Variants in PTPN21 observed in about 807,000 individuals in gnomAD.
PTPN21 encodes the protein tyrosine-protein phosphatase non-receptor type 21.
In PTPN21, 77 loss-of-function variants were observed where a neutral mutation model predicts 131.8. The observed-to-expected ratio is 0.58, with a 90% CI of 0.49 to 0.71. The LOEUF (loss-of-function observed/expected upper bound fraction) is 0.71, where lower values mean the gene tolerates loss of function less well. PTPN21 is among the 30% of genes least tolerant of loss of function. The pLI, the probability that PTPN21 is intolerant of heterozygous loss-of-function variation, is 0.00. For missense variants in PTPN21, 1,552 were observed against 1,527.1 expected, an observed-to-expected ratio of 1.02 and a Z score of -0.27; for synonymous variants, 715 against 621.3, an observed-to-expected ratio of 1.15 and a Z score of -2.24.
chr14:88,545,549 C>G (rs2078763612), intron 2 of PTPN21, among the ~76,000 whole-genome samples: 2 of 152,196 alleles, frequency 1.3e-5, no homozygotes, highest in Admixed American at 1.3e-4. Flanking sequence ...TCCACAAGGA[C>G]TCACAGCCTC....
chr14:88,505,975 TTAA>T (rs1488511277), intron 4 of PTPN21, among the ~76,000 whole-genome samples: 3 of 152,196 alleles, frequency 2.0e-5, no homozygotes, highest in African/African-American at 7.2e-5. Flanking sequence ...AGGAGTTTTA[TTAA>T]TAATTATTCT....
At chr14:88,473,072 G>C (rs781360546) in intron 14 of PTPN21, among the ~76,000 whole-genome samples, 28 of 152,144 alleles carry the variant, frequency 1.8e-4, no homozygotes, top group Admixed American at 4.6e-4. Flanking sequence ...CTGGGGAACA[G>C]TAAGTAAATC....
At position 88,466,471 on chromosome 14, in the gene PTPN21, A is replaced by C. The variant is rs2077365175; in HGVS notation, c.*1666T>G. On this transcript the variant is annotated 3_prime_UTR_variant, in exon 19 of 19. Transcript: ENST00000556564. ...ATGTAGTGCTCAAGGAAGTGAGTTA[A>C]GGAGTGACATGGGAATCAAAATGAT... is the stretch of plus-strand genomic sequence containing the variant. The C allele has an allele frequency of 6.6e-6, 1 of 152,196 alleles. No individual in the cohort carries two copies. Among genetic ancestry groups the C allele is most frequent in the East Asian group, 1.9e-4 (1 of 5,194 alleles). 9.4% of individuals were successfully genotyped at this position (152,196 alleles called of 1,614,324 possible).
intron 10 of PTPN21, among the ~76,000 whole-genome samples, chr14:88,493,445 C>T (rs1364142406): frequency 6.6e-6 from 1 of 152,124 alleles, no homozygotes; most frequent in Non-Finnish European, 1.5e-5. Context: ...AGGAAAGATG[C>T]CTTCCTGGAG....
intron 8 of PTPN21, among the ~76,000 whole-genome samples, chr14:88,500,393 G>C (rs1177292047): frequency 6.6e-6 from 1 of 152,152 alleles, no homozygotes; most frequent in Non-Finnish European, 1.5e-5. Context: ...CTGTACCACT[G>C]CACTCTAGCC....
Position 88,472,057 on chromosome 14 carries a change from G to A in PTPN21, c.2871+187C>T, listed in dbSNP as rs144025850. Among the ~76,000 whole-genome samples the A allele has an allele frequency of 6.0e-3, 914 of 152,322 alleles. 6 individuals carry two copies. Among genetic ancestry groups the A allele is most frequent in the African/African-American group, 0.02 (828 of 41,562 alleles). On this transcript the variant is annotated intron_variant, in intron 15 of 18. Transcript: ENST00000556564. ...GACGCTTTTTATCTAGCACTGGTAT[G>A]TGGATTTCCCAGCTTGCAGTACAGT...
intron 2 of PTPN21, among the ~76,000 whole-genome samples, chr14:88,531,072 A>C (rs565540652): frequency 8.5e-5 from 13 of 152,366 alleles, no homozygotes; most frequent in African/African-American, 3.1e-4. Flanking sequence ...TAAAAAAATC[A>C]AAATTACATC....
At chr14:88,504,593 G>T in intron 5 of PTPN21, 98 bp from the exon 6 acceptor site, 2 of 899,608 alleles carry the variant, frequency 2.2e-6, no homozygotes, top group Non-Finnish European at 3.7e-6. Flanking sequence ...TCACTATCAG[G>T]CAAAATTATG....
At chr14:88,480,376 A>C (rs200899570) in intron 12 of PTPN21, 24 bp from the exon 13 acceptor site, 1 of 1,549,436 alleles carries the variant, frequency 6.5e-7, no homozygotes, top group Non-Finnish European at 8.8e-7. Flanking sequence ...GTTCAAAATG[A>C]GATTTTTTTA....
chr14:88,470,691 ACT>A (rs1341753020), intron 15 of PTPN21, among the ~76,000 whole-genome samples: 1 of 152,144 alleles, frequency 6.6e-6, no homozygotes, highest in Non-Finnish European at 1.5e-5. Flanking sequence ...TGCCACACGC[ACT>A]CTCACTCAGG....
rs752943225 is a variant in PTPN21, at chr14:88,468,078, G to C, written c.*59C>G. ...ACGGGAAAGTATGAGTTAGGCAAGC[G>C]CTTTTTTTTTAAGCTGTAAACGCTT... On this transcript the variant is annotated 3_prime_UTR_variant, in exon 19 of 19. Coordinates refer to ENST00000556564, the MANE Select transcript of PTPN21 (RefSeq NM_007039.4). The C allele has an allele frequency of 2.5e-6, 4 of 1,577,224 alleles. No individual in the cohort carries two copies. The highest frequency in any genetic ancestry group is 2.6e-6 in the Non-Finnish European group (3 of 1,150,842).
At chr14:88,552,624 C>T (rs1268320887) in intron 1 of PTPN21, 4 of 152,194 alleles carry the variant, frequency 2.6e-5, no homozygotes, top group Admixed American at 1.3e-4. Flanking sequence ...AACGCTGCAA[C>T]TACCTAAAGC....
At chr14:88,538,493 C>T (rs1337867054) in intron 2 of PTPN21, among the ~76,000 whole-genome samples, 34 of 152,174 alleles carry the variant, frequency 2.2e-4, no homozygotes, top group Non-Finnish European at 2.9e-5. Context: ...TCTTGCGGGC[C>T]TAATGACACT....
At chr14:88,536,147 T>C (rs1328481343) in intron 2 of PTPN21, among the ~76,000 whole-genome samples, 3 of 152,218 alleles carry the variant, frequency 2.0e-5, no homozygotes, top group Non-Finnish European at 4.4e-5. Flanking sequence ...CTGAATCTTC[T>C]AGCATCCCCT....
intron 2 of PTPN21, among the ~76,000 whole-genome samples, chr14:88,529,085 C>T (rs996497124): frequency 6.6e-6 from 1 of 152,050 alleles, no homozygotes; most frequent in Non-Finnish European, 1.5e-5. Flanking sequence ...TCAACTCTTC[C>T]CCATTCAGTA....
chr14:88,487,175 G>C (rs1018223565), intron 10 of PTPN21, among the ~76,000 whole-genome samples: 2 of 151,244 alleles, frequency 1.3e-5, no homozygotes, highest in African/African-American at 4.9e-5. Flanking sequence ...TTTTTCTTCT[G>C]TGTGGTCAGT....
intron 2 of PTPN21, among the ~76,000 whole-genome samples, chr14:88,540,734 C>T (rs1295899860): frequency 2.0e-5 from 3 of 152,184 alleles, no homozygotes; most frequent in Non-Finnish European, 2.9e-5. Flanking sequence ...ATGATCATGG[C>T]TCACTGCAGC....
rs1194490920 is a variant in PTPN21 at position 88,472,389 on chromosome 14, A to G, written c.2726T>C (p.Val909Ala). The G allele has an allele frequency of 7.4e-6, 12 of 1,613,950 alleles. No individual in the cohort carries two copies. Among genetic ancestry groups the G allele is most frequent in the Non-Finnish European group, 9.3e-6 (11 of 1,179,966 alleles). ...EYERILKKRL[V>A]DGECSTARLP... ...TCGTGCTGTTGAGCACTCCCCATCA[A>G]CTAGCCGTTTCTTAAGAATTCTTTC... Residue 909 changes from valine to alanine, a missense_variant, in exon 15 of 19, where the codon GTT (valine) becomes GCT (alanine). Coordinates refer to ENST00000556564, the MANE Select transcript of PTPN21 (RefSeq NM_007039.4).
intron 1 of PTPN21, among the ~76,000 whole-genome samples, chr14:88,553,166 C>T (rs930632228): frequency 2.6e-5 from 4 of 152,030 alleles, no homozygotes; most frequent in African/African-American, 9.6e-5. Flanking sequence ...TTCAATTGTC[C>T]CTCAGACTTG....
Sources: gnomAD v4.1 joint callset for allele counts (sites outside exome capture counted in the v4.1 genomes callset) on GRCh38, gnomAD v4.1.1 for gene constraint, MANE v1.5 for transcripts, NCBI Gene and HGNC (gene_info 2026-07-23, HGNC 2026-07-21) for gene names.